The following UNC13C variants were observed in gnomAD, a reference collection of about 807,000 sequenced individuals.
UNC13C encodes protein unc-13 homolog C.
In UNC13C, 174 loss-of-function variants were observed where a neutral mutation model predicts 245.4. That is an observed-to-expected ratio of 0.71 (90% confidence interval 0.63 to 0.80). The LOEUF is 0.80. UNC13C is among the 30% of genes least tolerant of loss of function. UNC13C has a pLI of 0.00. For missense variants in UNC13C, 2,829 were observed against 2,602.9 expected (o/e 1.09, Z -1.89); for synonymous variants, 992 against 895.1 (o/e 1.11, Z -1.93).
intron 1 of UNC13C, among the ~76,000 whole-genome samples, chr15:54,009,910 T>C (rs922577305): frequency 6.6e-6 from 1 of 152,174 alleles, no homozygotes; most frequent in African/African-American, 2.4e-5. Flanking sequence ...TAACCATTAG[T>C]GCCTACTCCT....
chr15:54,383,745 A>T lies in UNC13C; in HGVS notation c.4714-9303A>T, dbSNP rs2140903544. Among the ~76,000 whole-genome samples the T allele has an allele frequency of 2.0e-5, 3 of 152,266 alleles. No homozygotes were observed. In the South Asian group the frequency reaches 6.2e-4, roughly 32 times the overall value. ...CAAACTGTCCCTTTTTGTAAATGAC[A>T]TGATCTTAGGTCCAGATAATCCAAA... On this transcript the variant is annotated intron_variant, in intron 17 of 32. Coordinates refer to ENST00000260323, the MANE Select transcript of UNC13C (RefSeq NM_001080534.3).
At chr15:54,260,444 G>A (rs1475290094) in intron 8 of UNC13C, among the ~76,000 whole-genome samples, 1 of 151,710 alleles carries the variant, frequency 6.6e-6, no homozygotes, top group Non-Finnish European at 1.5e-5. Flanking sequence ...TGTTTTGGAA[G>A]AGCTGTTGAG....
intron 16 of UNC13C, among the ~76,000 whole-genome samples, chr15:54,334,466 G>C (rs772274964): frequency 6.6e-6 from 1 of 151,984 alleles, no homozygotes; most frequent in Non-Finnish European, 1.5e-5. Flanking sequence ...CCGGGCTGTG[G>C]GCTAAAATAT....
At chr15:54,363,661 T>G (rs938765682) in intron 17 of UNC13C, among the ~76,000 whole-genome samples, 11 of 152,152 alleles carry the variant, frequency 7.2e-5, no homozygotes, top group African/African-American at 2.7e-4. Flanking sequence ...ACTACAGAAT[T>G]GAGAACTAAT....
rs112912154 is a variant in UNC13C at position 54,275,394 on chromosome 15, T to G, written c.3818+9898T>G. On this transcript the variant is annotated intron_variant, in intron 10 of 32. Coordinates refer to ENST00000260323, the MANE Select transcript of UNC13C (RefSeq NM_001080534.3). Reference sequence around the variant, plus strand: ...AAACTATGTGAAAATCACATCATACTTAGTATAATAGTATGTTCTTTGTCC... The same window carrying G: ...AAACTATGTGAAAATCACATCATACGTAGTATAATAGTATGTTCTTTGTCC... 9.3e-3 allele frequency among the ~76,000 whole-genome samples: 1,423 copies of G among 152,282 alleles called. 29 individuals are homozygous for G. The highest frequency in any genetic ancestry group is 0.032 in the African/African-American group (1,340 of 41,570).
intron 28 of UNC13C, among the ~76,000 whole-genome samples, chr15:54,550,896 G>T (rs1896706184): frequency 6.6e-6 from 1 of 152,142 alleles, no homozygotes; most frequent in Non-Finnish European, 1.5e-5. Context: ...AAATAACATA[G>T]GTCTTACTAC....
chr15:54,363,032 G>T (rs2039272636), intron 17 of UNC13C, among the ~76,000 whole-genome samples: 1 of 152,218 alleles, frequency 6.6e-6, no homozygotes, highest in Non-Finnish European at 1.5e-5. Flanking sequence ...AGAGATAGGA[G>T]AAGGTTGATG....
At chr15:54,061,121 AAT>A (rs1566983137) in intron 2 of UNC13C, among the ~76,000 whole-genome samples, 2 of 2,474 alleles carry the variant, frequency 8.1e-4, no homozygotes, top group Non-Finnish European at 1.7e-3. Context: ...GTATAATAAT[AAT>A]AAAAAAAAAA....
chr15:54,169,892 G>A (rs766659036), intron 4 of UNC13C, among the ~76,000 whole-genome samples: 10 of 151,856 alleles, frequency 6.6e-5, no homozygotes, highest in Non-Finnish European at 1.3e-4. Context: ...GGAACATTTC[G>A]CAGTTTATGA....
intron 14 of UNC13C, among the ~76,000 whole-genome samples, chr15:54,324,856 A>G (rs2038253614): frequency 6.6e-6 from 1 of 152,090 alleles, no homozygotes; most frequent in Non-Finnish European, 1.5e-5. Flanking sequence ...ATGGCATATA[A>G]CAAGCTTGTC....
chr15:54,408,858 A>C (rs1438410111), intron 18 of UNC13C, among the ~76,000 whole-genome samples: 7 of 152,180 alleles, frequency 4.6e-5, no homozygotes, highest in Non-Finnish European at 1.0e-4. Context: ...TATTCACCTA[A>C]TACTGCCTGA....
chr15:53,851,857 C>T, the UNC13C span, among the ~76,000 whole-genome samples: 2 of 152,174 alleles, frequency 1.3e-5, no homozygotes, highest in African/African-American at 4.8e-5. Context: ...GAAGGTGGTG[C>T]GTCTGGGGAG....
intron 2 of UNC13C, among the ~76,000 whole-genome samples, chr15:54,019,099 T>C (rs1895786103): frequency 6.6e-6 from 1 of 152,210 alleles, no homozygotes; most frequent in Non-Finnish European, 1.5e-5. Flanking sequence ...TTCTTTTACT[T>C]CTTATAACAC....
At chr15:54,284,577 A>T (rs2140922133) in intron 10 of UNC13C, among the ~76,000 whole-genome samples, 1 of 152,258 alleles carries the variant, frequency 6.6e-6, no homozygotes, top group East Asian at 1.9e-4. Flanking sequence ...TACAAGGTGA[A>T]CCAAAGAAAT....
intron 2 of UNC13C, among the ~76,000 whole-genome samples, chr15:54,059,356 C>T (rs528722356): frequency 3.3e-5 from 5 of 152,234 alleles, no homozygotes; most frequent in African/African-American, 1.2e-4. Flanking sequence ...AGTGAACTCC[C>T]ATTCACAATT....
intron 2 of UNC13C, among the ~76,000 whole-genome samples, chr15:54,070,908 C>A (rs17634084): frequency 0.19 from 29,152 of 152,076 alleles, 2,896 homozygotes; most frequent in Admixed American, 0.28. Context: ...ATAGACCACA[C>A]TATCATTCAT....
At chr15:54,140,796 A>C (rs1340608445) in intron 2 of UNC13C, among the ~76,000 whole-genome samples, 1 of 151,642 alleles carries the variant, frequency 6.6e-6, no homozygotes, top group South Asian at 2.1e-4. Flanking sequence ...ATGTTCTTTC[A>C]TGAGGGCACT....
In UNC13C at chr15:54,402,745, A is replaced by G. The variant is rs1169206332; in HGVS notation, c.4847+9564A>G. Among the ~76,000 whole-genome samples, 3 of 152,234 alleles carry G rather than the reference A, an allele frequency of 2.0e-5. No individual in the cohort carries two copies. In the East Asian group the frequency reaches 5.8e-4, roughly 29 times the overall value. ...ACTTACGCAAAATGACTTATCTAGTAATAGGCAGAATCAAAATGTAAGCAG... is the reference window on the plus strand; with the variant it reads ...ACTTACGCAAAATGACTTATCTAGTGATAGGCAGAATCAAAATGTAAGCAG... On this transcript the variant is annotated intron_variant, in intron 18 of 32. Coordinates refer to ENST00000260323, the MANE Select transcript of UNC13C (RefSeq NM_001080534.3).
At chr15:54,352,543 G>T (rs1180426473) in intron 17 of UNC13C, among the ~76,000 whole-genome samples, 1 of 151,610 alleles carries the variant, frequency 6.6e-6, no homozygotes, top group Non-Finnish European at 1.5e-5. Flanking sequence ...TTCTTCTAAA[G>T]TTCCTGATTC....
Sources: allele counts gnomAD v4.1 joint callset (sites outside exome capture counted in the v4.1 genomes callset), GRCh38; gene constraint gnomAD v4.1.1; transcripts MANE v1.5; gene names NCBI Gene and HGNC (gene_info 2026-07-23, HGNC 2026-07-21).